ARHGAP24: variants seen among roughly 807,000 people sequenced by gnomAD.
ARHGAP24 encodes the protein rho GTPase-activating protein 24.
ARHGAP24 carries 50 observed loss-of-function variants against 76.4 expected under a neutral mutation model. The observed-to-expected ratio is 0.65, with a 90% CI of 0.52 to 0.83. The LOEUF is 0.83. Ranked by LOEUF, ARHGAP24 falls within the 40% of genes least tolerant of loss-of-function variation. The probability of loss-of-function intolerance (pLI) is 0.00; values close to 1 mark genes in which losing one functional copy is unlikely to be tolerated. For synonymous variants in ARHGAP24, 345 were observed against 323.3 expected (o/e 1.07, Z -0.72); for missense variants, 930 against 914.2 (o/e 1.02, Z -0.22).
At chr4:85,748,260 G>A (rs1042633288) in intron 3 of ARHGAP24, among the ~76,000 whole-genome samples, 8 of 152,156 alleles carry the variant, frequency 5.3e-5, no homozygotes, top group African/African-American at 7.2e-5. Flanking sequence ...TTGTTTCTCC[G>A]AGCATATGGT....
At chr4:85,915,463 C>T (rs182494004) in intron 3 of ARHGAP24, among the ~76,000 whole-genome samples, 88 of 152,168 alleles carry the variant, frequency 5.8e-4, no homozygotes, top group African/African-American at 2.0e-3. Context: ...GATACATGTG[C>T]GGAATGTGCA....
chr4:85,913,724 G>A (rs553375591), intron 3 of ARHGAP24, among the ~76,000 whole-genome samples: 1 of 152,104 alleles, frequency 6.6e-6, no homozygotes, highest in African/African-American at 2.4e-5. Context: ...ACCTCCTAGG[G>A]TTCTTGTAAA....
chr4:85,607,847 C>T (rs1275008776), intron 2 of ARHGAP24, among the ~76,000 whole-genome samples: 1 of 151,002 alleles, frequency 6.6e-6, no homozygotes, highest in African/African-American at 2.4e-5. Context: ...TGGGCTTTCC[C>T]TCAGGTGTTG....
At chr4:85,970,704 C>A (rs941736261) in intron 5 of ARHGAP24, among the ~76,000 whole-genome samples, 1 of 152,148 alleles carries the variant, frequency 6.6e-6, no homozygotes, top group African/African-American at 2.4e-5. Flanking sequence ...TGCCTCCCAA[C>A]TTCTCAGAGC....
At chr4:85,479,139 A>G (rs976268467) in intron 1 of ARHGAP24, among the ~76,000 whole-genome samples, 79 of 152,170 alleles carry the variant, frequency 5.2e-4, no homozygotes, top group Non-Finnish European at 2.9e-4. Flanking sequence ...AAAAATGTCT[A>G]TTTGGTCTTA....
Position 85,560,347 on chromosome 4 carries a change from C to G in ARHGAP24, c.-20-10175C>G, listed in dbSNP as rs114840164. Among the ~76,000 whole-genome samples the G allele has an allele frequency of 7.4e-3, 1,122 of 152,150 alleles. 7 individuals are homozygous for G. The highest frequency in any genetic ancestry group is 0.012 in the Non-Finnish European group (837 of 67,968). On this transcript the variant is annotated intron_variant, in intron 1 of 9. Transcript: ENST00000395184. ...AAGATTCTCTCTACAATGTATGAGG[C>G]ATTAAGTAGACAACAAAAGCTAAAT...
intron 1 of ARHGAP24, among the ~76,000 whole-genome samples, chr4:85,483,931 CTTA>C (rs1722919035): frequency 1.3e-5 from 2 of 152,100 alleles, no homozygotes; most frequent in African/African-American, 4.8e-5. Flanking sequence ...TTGAGGACCA[CTTA>C]TTATTCAAAG....
At chr4:85,676,091 AT>A (rs1453595666) in intron 2 of ARHGAP24, among the ~76,000 whole-genome samples, 1 of 152,232 alleles carries the variant, frequency 6.6e-6, no homozygotes. Flanking sequence ...GTAAGTTTTC[AT>A]TGCATAATTT....
chr4:85,667,050 T>C (rs934995302), intron 2 of ARHGAP24, among the ~76,000 whole-genome samples: 3 of 152,132 alleles, frequency 2.0e-5, no homozygotes, highest in African/African-American at 7.2e-5. Context: ...GACATTTAAG[T>C]CTGCAGAGGT....
intron 2 of ARHGAP24, among the ~76,000 whole-genome samples, chr4:85,657,620 A>G (rs532409174): frequency 6.6e-6 from 1 of 152,342 alleles, no homozygotes; most frequent in African/African-American, 2.4e-5. Flanking sequence ...GAGACAGGGT[A>G]TTAGGCAAAT....
At chr4:85,814,173 A>T (rs897159230) in intron 3 of ARHGAP24, among the ~76,000 whole-genome samples, 2 of 152,168 alleles carry the variant, frequency 1.3e-5, no homozygotes, top group African/African-American at 2.4e-5. Flanking sequence ...TTATGGGAAT[A>T]CAATTCAAGA....
chr4:85,743,392 C>CAAAAAAAAA lies in ARHGAP24; in HGVS notation c.268+21453_268+21461dup, dbSNP rs774717006. Among the ~76,000 whole-genome samples the CAAAAAAAAA allele has an allele frequency of 1.6e-4, 7 of 43,378 alleles. 1 individual carries two copies. The highest frequency in any genetic ancestry group is 4.2e-4 in the African/African-American group (5 of 11,784). The allele number at this position is 43,378 out of a possible 152,430, so 28.5% of individuals were successfully genotyped here. ...AAGACGCCAAGGCGGGATCCCATCT[C>CAAAAAAAAA]AAAAAAAAAAAAAAAAAAAAAAAAA... On this transcript the variant is annotated intron_variant, in intron 3 of 9. Transcript: ENST00000395184.
At chr4:85,678,328 C>T (rs1004655821) in intron 2 of ARHGAP24, among the ~76,000 whole-genome samples, 6 of 152,122 alleles carry the variant, frequency 3.9e-5, no homozygotes, top group African/African-American at 1.4e-4. Context: ...TATGATTGCA[C>T]CACTGTACTC....
intron 9 of ARHGAP24, 37 bp from the exon 10 acceptor site, chr4:86,000,442 C>CGGGGGGGGGGGGGGGGGG: frequency 2.5e-6 from 2 of 807,892 alleles, no homozygotes; most frequent in Non-Finnish European, 3.9e-6. Context: ...CTTACTCTTG[C>CGGGGGGGGGGGGGGGGGG]GTCCCCACCC....
intron 5 of ARHGAP24, among the ~76,000 whole-genome samples, chr4:85,965,435 A>G (rs1738533395): frequency 6.6e-6 from 1 of 152,140 alleles, no homozygotes; most frequent in Non-Finnish European, 1.5e-5. Context: ...AAATCATATC[A>G]GGCACTATGT....
At chr4:85,618,451 A>T (rs566233486) in intron 2 of ARHGAP24, among the ~76,000 whole-genome samples, 5 of 152,274 alleles carry the variant, frequency 3.3e-5, no homozygotes, top group Non-Finnish European at 5.9e-5. Flanking sequence ...ATGAGAGTGC[A>T]GATATTTATT....
intron 8 of ARHGAP24, 88 bp downstream of exon 8, chr4:85,977,779 A>G: frequency 1.3e-6 from 2 of 1,504,092 alleles, no homozygotes; most frequent in South Asian, 1.1e-5. Flanking sequence ...TGAGCAAACC[A>G]AGGTAATAAG....
chr4:85,516,726 T>G (rs1724521779), intron 1 of ARHGAP24, among the ~76,000 whole-genome samples: 1 of 151,984 alleles, frequency 6.6e-6, no homozygotes, highest in Admixed American at 6.6e-5. Flanking sequence ...TGCAGATGTT[T>G]TCTTCATTTT....
intron 1 of ARHGAP24, among the ~76,000 whole-genome samples, chr4:85,488,222 CT>C (rs201688644): frequency 2.3e-4 from 34 of 150,210 alleles, no homozygotes; most frequent in African/African-American, 7.1e-4. Context: ...CTCCCTCCGA[CT>C]TTTTTTTTGC....
Sources: allele counts gnomAD v4.1 joint callset (sites outside exome capture counted in the v4.1 genomes callset), GRCh38; gene constraint gnomAD v4.1.1; transcripts MANE v1.5; gene names NCBI Gene and HGNC (gene_info 2026-07-23, HGNC 2026-07-21).